The following TNR variants were observed in gnomAD, a reference collection of about 807,000 sequenced individuals.
The protein encoded by TNR is tenascin R, also known as tenascin-R.
A neutral mutation model predicts 150.4 loss-of-function variants in TNR; 45 were observed. That is an observed-to-expected ratio of 0.30 (90% CI 0.24 to 0.38). The LOEUF is 0.38. TNR is among the 10% of genes least tolerant of loss of function. The pLI is 1.00. For missense variants in TNR, 1,544 were observed against 1,759.1 expected (o/e 0.88, Z 2.19); for synonymous variants, 687 against 678.4 (o/e 1.01, Z -0.20).
intron 1 of TNR, among the ~76,000 whole-genome samples, chr1:175,590,544 AAGAC>A (rs1244925128): frequency 6.6e-6 from 1 of 152,224 alleles, no homozygotes; most frequent in Non-Finnish European, 1.5e-5. Flanking sequence ...CCTGGTGGAG[AAGAC>A]AGACAGGTAA....
At chr1:175,691,657 T>G (rs776047825) in intron 1 of TNR, among the ~76,000 whole-genome samples, 1 of 152,164 alleles carries the variant, frequency 6.6e-6, no homozygotes, top group Admixed American at 6.5e-5. Context: ...CTTGGTTTAT[T>G]AATCTCTTTG....
At chr1:175,573,650 C>T (rs1661978678) in intron 1 of TNR, among the ~76,000 whole-genome samples, 1 of 152,236 alleles carries the variant, frequency 6.6e-6, no homozygotes, top group Non-Finnish European at 1.5e-5. Flanking sequence ...AATTACCAGC[C>T]ATAAACCTGG....
chr1:175,607,431 T>C (rs1298632267), intron 1 of TNR, among the ~76,000 whole-genome samples: 1 of 152,244 alleles, frequency 6.6e-6, no homozygotes, highest in African/African-American at 2.4e-5. Context: ...TGGGTACCTC[T>C]TGGAGAAAGG....
chr1:175,686,055 G>GCA lies in TNR; in HGVS notation c.-165+57169_-165+57170dup, dbSNP rs142990409. Among the ~76,000 whole-genome samples the GCA allele has an allele frequency of 1.0e-3, 153 of 149,364 alleles. 1 individual carries two copies. The highest frequency in any genetic ancestry group is 1.4e-3 in the Non-Finnish European group (96 of 67,152). On this transcript the variant is annotated intron_variant, in intron 1 of 22. Transcript: ENST00000367674. ...CTCAATTTTGATTGCACGCACACAC[G>GCA]CACACACACACACACAGAGTGTTTT... is the stretch of plus-strand genomic sequence containing the variant.
intron 1 of TNR, among the ~76,000 whole-genome samples, chr1:175,546,436 T>C (rs1444138272): frequency 6.6e-6 from 1 of 152,218 alleles, no homozygotes; most frequent in Non-Finnish European, 1.5e-5. Flanking sequence ...CCATCTCACA[T>C]CTTAAAGATG....
chr1:175,657,853 G>GTATATATATATATATATATATATATA (rs59315046), intron 1 of TNR, among the ~76,000 whole-genome samples: 9 of 70,452 alleles, frequency 1.3e-4, no homozygotes, highest in Admixed American at 3.1e-4. Flanking sequence ...CATGGAACAT[G>GTATATATATATATATATATATATATA]TATATATATA....
In TNR at chr1:175,413,668, G is replaced by C. The variant is rs977495554; in HGVS notation, c.-63-6891C>G. Among the ~76,000 whole-genome samples the C allele has an allele frequency of 2.1e-4, 3 of 14,482 alleles. No individual in the cohort carries two copies. The East Asian group carries it at 5.7e-3, about 27-fold the overall frequency. 9.5% of individuals were successfully genotyped at this position (14,482 alleles called of 152,430 possible). The stretch of plus-strand genomic sequence containing the variant: ...CTAGAACCAAAATAGACCAGTTAAA[G>C]AGATAAAATGGTGGATAGGAGAAGC... On this transcript the variant is annotated intron_variant, in intron 2 of 22. Coordinates refer to ENST00000367674, the MANE Select transcript of TNR (RefSeq NM_003285.3).
intron 1 of TNR, among the ~76,000 whole-genome samples, chr1:175,675,995 G>T (rs548689065): frequency 8.7e-4 from 133 of 152,242 alleles, no homozygotes; most frequent in Non-Finnish European, 1.7e-3. Flanking sequence ...GTGGTGGGGG[G>T]AAATATTAAT....
chr1:175,535,707 T>A (rs1660255470), intron 1 of TNR, among the ~76,000 whole-genome samples: 1 of 152,108 alleles, frequency 6.6e-6, no homozygotes, highest in Non-Finnish European at 1.5e-5. Context: ...GTATAATGTT[T>A]ATATTTGGCT....
At chr1:175,662,487 C>T (rs551422478) in intron 1 of TNR, among the ~76,000 whole-genome samples, 6 of 152,334 alleles carry the variant, frequency 3.9e-5, no homozygotes, top group African/African-American at 1.4e-4. Flanking sequence ...CCTAGGGCCC[C>T]AGCCAGGCCT....
At chr1:175,563,335 C>T (rs1661505819) in intron 1 of TNR, among the ~76,000 whole-genome samples, 1 of 152,180 alleles carries the variant, frequency 6.6e-6, no homozygotes, top group Admixed American at 6.5e-5. Flanking sequence ...TCTTGGGACA[C>T]AAAAATTACT....
At chr1:175,726,166 C>T (rs1667472795) in intron 1 of TNR, among the ~76,000 whole-genome samples, 1 of 152,032 alleles carries the variant, frequency 6.6e-6, no homozygotes, top group Admixed American at 6.5e-5. Context: ...GCTAAAGTAC[C>T]AGTCCTCAAG....
intron 2 of TNR, among the ~76,000 whole-genome samples, chr1:175,487,163 A>G (rs907543168): frequency 2.0e-5 from 3 of 152,132 alleles, no homozygotes; most frequent in African/African-American, 7.2e-5. Context: ...TTTTGTTGCC[A>G]TTGCTTTTGG....
intron 1 of TNR, among the ~76,000 whole-genome samples, chr1:175,730,327 G>A (rs557226193): frequency 6.6e-6 from 1 of 152,276 alleles, no homozygotes; most frequent in East Asian, 1.9e-4. Flanking sequence ...GATACCCTGA[G>A]CAGAATGAGT....
intron 1 of TNR, among the ~76,000 whole-genome samples, chr1:175,622,895 A>C (rs1444640200): frequency 6.6e-6 from 1 of 152,100 alleles, no homozygotes; most frequent in Non-Finnish European, 1.5e-5. Context: ...TCATATTTAC[A>C]TGGGGTTGTC....
At chr1:175,536,880 C>T (rs1660313272) in intron 1 of TNR, among the ~76,000 whole-genome samples, 1 of 152,196 alleles carries the variant, frequency 6.6e-6, no homozygotes, top group South Asian at 2.1e-4. Flanking sequence ...GTTTGGGCCC[C>T]ATATTGGGAA....
rs763348501 is a variant in TNR, at chr1:175,386,132, G to A, written c.1677C>T (p.Tyr559=). The A allele has an allele frequency of 5.0e-6, 8 of 1,613,442 alleles. No homozygotes were observed. In the Admixed American group the frequency reaches 1.0e-4, roughly 20 times the overall value. ...TFRLQPPLSQ[Y]SVQALRPGSR... is the part of the protein sequence containing the mutation. ...AGCCAGGCCGCAGGGCCTGCACTGA[G>A]TATTGGCTCAGGGGAGGCTGCAGCC... Residue 559 remains tyrosine (Y), a synonymous_variant, in exon 8 of 23, where the codon TAC becomes TAT. Transcript: ENST00000367674.
chr1:175,395,952 C>T (rs1653407072), intron 5 of TNR, among the ~76,000 whole-genome samples: 1 of 152,198 alleles, frequency 6.6e-6, no homozygotes, highest in Admixed American at 6.5e-5. Flanking sequence ...CCATCTCTCT[C>T]TTTCTTCCCT....
intron 9 of TNR, among the ~76,000 whole-genome samples, chr1:175,378,002 G>A (rs953823386): frequency 1.3e-5 from 2 of 152,104 alleles, no homozygotes; most frequent in Non-Finnish European, 2.9e-5. Context: ...CACATTCCCA[G>A]GGGACAGGGA....
Sources: gnomAD v4.1 joint callset for allele counts (sites outside exome capture counted in the v4.1 genomes callset) on GRCh38, gnomAD v4.1.1 for gene constraint, MANE v1.5 for transcripts, NCBI Gene and HGNC (gene_info 2026-07-23, HGNC 2026-07-21) for gene names.